The following FTCDNL1 variants were observed in gnomAD, a reference collection of about 807,000 sequenced individuals.
The protein encoded by FTCDNL1 is formiminotransferase N-terminal subdomain-containing protein.
A neutral mutation model predicts 5.9 loss-of-function variants in FTCDNL1; 11 were observed. That is an observed-to-expected ratio of 1.87 (90% CI 1.18 to 3.10). The LOEUF is 3.10. Ranked by LOEUF, FTCDNL1 falls within the 30% of genes most tolerant of loss-of-function variation. The pLI is 0.00. For missense variants in FTCDNL1, 115 were observed against 65.5 expected, an observed-to-expected ratio of 1.76 and a Z score of -2.61; for synonymous variants, 58 against 24.8, an observed-to-expected ratio of 2.34 and a Z score of -3.99.
At chr2:199,715,033 T>C in the FTCDNL1 span, among the ~76,000 whole-genome samples, 5 of 151,938 alleles carry the variant, frequency 3.3e-5, no homozygotes, top group Non-Finnish European at 5.9e-5. Flanking sequence ...ACATGGCACA[T>C]GTATACATAT....
the FTCDNL1 span, among the ~76,000 whole-genome samples, chr2:199,678,119 A>C: frequency 6.6e-6 from 1 of 152,160 alleles, no homozygotes; most frequent in African/African-American, 2.4e-5. Flanking sequence ...TTGGGTTTAC[A>C]AAAGGTTGGA....
the FTCDNL1 span, among the ~76,000 whole-genome samples, chr2:199,724,759 G>A: frequency 2.0e-5 from 3 of 151,840 alleles, no homozygotes; most frequent in African/African-American, 7.3e-5. Context: ...AGTTTGTTAT[G>A]ATTTCAGTTC....
At position 199,810,406 on chromosome 2, in the gene FTCDNL1, G is replaced by C. The variant is rs1444204217; in HGVS notation, c.*2299C>G. 6.6e-6 allele frequency among the ~76,000 whole-genome samples: 1 copy of C among 152,210 alleles called. No individual in the cohort carries two copies. The highest frequency in any genetic ancestry group is 2.4e-5 in the African/African-American group (1 of 41,460). On this transcript the variant is annotated 3_prime_UTR_variant, in exon 5 of 5. Coordinates refer to ENST00000420128, the MANE Select transcript of FTCDNL1 (RefSeq NM_001363886.2). ...CGTGTTTTGTGATGATGTGAGTTTG[G>C]CAGGGTTTGGAGCCAAACAAGACAA... is the stretch of plus-strand genomic sequence containing the variant.
At chr2:199,713,246 T>C in the FTCDNL1 span, among the ~76,000 whole-genome samples, 1 of 152,170 alleles carries the variant, frequency 6.6e-6, no homozygotes, top group African/African-American at 2.4e-5. Flanking sequence ...CTAGTCAAGA[T>C]GGAATAATAG....
chr2:199,723,959 G>T, the FTCDNL1 span, among the ~76,000 whole-genome samples: 1 of 152,144 alleles, frequency 6.6e-6, no homozygotes, highest in Non-Finnish European at 1.5e-5. Context: ...AGAAGAAATG[G>T]TACCAGCTCC....
In FTCDNL1 at chr2:199,778,231, C is replaced by G. The variant is rs1699189834; in HGVS notation, c.212-17396G>C. Among the ~76,000 whole-genome samples, 3 of 152,184 alleles carry G rather than the reference C, an allele frequency of 2.0e-5. No individual in the cohort carries two copies. The South Asian group carries it at 6.2e-4, about 32-fold the overall frequency. ...GGTCTGGAGAGGAACTAGGCATTAT[C>G]TCACTAACACCTCAATGATTCTTGT... is the stretch of plus-strand genomic sequence containing the variant. On this transcript the variant is annotated intron_variant, in intron 3 of 3. Coordinates refer to the FTCDNL1 transcript ENST00000416668.
the FTCDNL1 span, among the ~76,000 whole-genome samples, chr2:199,729,157 C>CAT: frequency 6.6e-6 from 1 of 152,144 alleles, no homozygotes; most frequent in Non-Finnish European, 1.5e-5. Context: ...ATATAGAGAA[C>CAT]ATAACATGTA....
chr2:199,802,282 G>A (rs1172585931), intron 3 of FTCDNL1, among the ~76,000 whole-genome samples: 1 of 152,156 alleles, frequency 6.6e-6, no homozygotes, highest in African/African-American at 2.4e-5. Context: ...GTATCACTAG[G>A]ATAATGATAA....
intron 3 of FTCDNL1, among the ~76,000 whole-genome samples, chr2:199,842,133 C>A (rs989611896): frequency 2.6e-5 from 4 of 151,734 alleles, no homozygotes; most frequent in African/African-American, 9.7e-5. Flanking sequence ...CTGGGTATGG[C>A]AGTGCACACC....
chr2:199,700,515 A>G, the FTCDNL1 span, among the ~76,000 whole-genome samples: 1 of 152,198 alleles, frequency 6.6e-6, no homozygotes, highest in African/African-American at 2.4e-5. Flanking sequence ...AACTGCCAAC[A>G]ACATTTTTCA....
chr2:199,710,385 T>C, the FTCDNL1 span, among the ~76,000 whole-genome samples: 4 of 152,230 alleles, frequency 2.6e-5, no homozygotes, highest in Non-Finnish European at 5.9e-5. Context: ...ATCAACAATA[T>C]ATGTTAAATA....
chr2:199,839,245 C>T (rs1393746421), intron 3 of FTCDNL1, among the ~76,000 whole-genome samples: 1 of 151,952 alleles, frequency 6.6e-6, no homozygotes, highest in Non-Finnish European at 1.5e-5. Flanking sequence ...CCGAAATGAT[C>T]CATTAATGAT....
intron 4 of FTCDNL1, among the ~76,000 whole-genome samples, chr2:199,817,578 A>G (rs974691402): frequency 3.3e-5 from 5 of 152,110 alleles, no homozygotes; most frequent in Non-Finnish European, 5.9e-5. Context: ...CCTGAGTCCA[A>G]GAGTTTTGAG....
chr2:199,791,558 T>C (rs1036013319), intron 3 of FTCDNL1, among the ~76,000 whole-genome samples: 1 of 152,164 alleles, frequency 6.6e-6, no homozygotes, highest in African/African-American at 2.4e-5. Context: ...TGCAGAGCTG[T>C]TCTCACAGCT....
At chr2:199,744,135 A>G in the FTCDNL1 span, among the ~76,000 whole-genome samples, 1 of 152,154 alleles carries the variant, frequency 6.6e-6, no homozygotes, top group Non-Finnish European at 1.5e-5. Context: ...TTTAATGACT[A>G]TGACTGCTTT....
At chr2:199,690,288 A>G in the FTCDNL1 span, among the ~76,000 whole-genome samples, 1 of 152,118 alleles carries the variant, frequency 6.6e-6, no homozygotes, top group African/African-American at 2.4e-5. Context: ...CATCCACACA[A>G]ATCTGATTTT....
intron 3 of FTCDNL1, among the ~76,000 whole-genome samples, chr2:199,782,807 C>T (rs190060834): frequency 2.6e-5 from 4 of 152,324 alleles, no homozygotes; most frequent in Admixed American, 1.3e-4. Flanking sequence ...TAACTGTATA[C>T]TATAGTCATT....
chr2:199,734,255 G>A, the FTCDNL1 span, among the ~76,000 whole-genome samples: 4 of 152,152 alleles, frequency 2.6e-5, no homozygotes, highest in African/African-American at 9.7e-5. Flanking sequence ...TGCTGAAACT[G>A]CTTTTTAAGA....
At chr2:199,732,033 G>C in the FTCDNL1 span, among the ~76,000 whole-genome samples, 7 of 152,090 alleles carry the variant, frequency 4.6e-5, no homozygotes, top group Non-Finnish European at 8.8e-5. Context: ...ATTATCCTAG[G>C]TCTAATAATC....
Sources: gnomAD v4.1 joint callset for allele counts (sites outside exome capture counted in the v4.1 genomes callset) on GRCh38, gnomAD v4.1.1 for gene constraint, MANE v1.5 for transcripts, NCBI Gene and HGNC (gene_info 2026-07-23, HGNC 2026-07-21) for gene names.